The following MINDY4 variants were observed in gnomAD, a reference collection of about 807,000 sequenced individuals.
The protein encoded by MINDY4 is probable ubiquitin carboxyl-terminal hydrolase MINDY-4.
Under a neutral mutation model 87.0 loss-of-function variants are expected in MINDY4, and 68 were observed. That is an observed-to-expected ratio of 0.78 (90% confidence interval 0.64 to 0.96). The LOEUF is 0.96. Ranked by LOEUF, MINDY4 falls within the 40% of genes least tolerant of loss-of-function variation. The probability of loss-of-function intolerance (pLI) is 0.00; values close to 1 mark genes in which losing one functional copy is unlikely to be tolerated. For synonymous variants in MINDY4, 379 were observed against 363.2 expected (o/e 1.04, Z -0.50); for missense variants, 919 against 928.2 (o/e 0.99, Z 0.13).
Position 30,872,309 on chromosome 7 carries a change from C to T in MINDY4, c.1809+3C>T. On this transcript the variant is annotated splice_donor_region_variant and intron_variant, in intron 14 of 17. Transcript: ENST00000265299. ...GAGCACATGGCTACTGTACACAGGT[C>T]AGGGGGCGCTGTGGGGCCCAGGTGG... 1 of 1,613,938 alleles carries T rather than the reference C, an allele frequency of 6.2e-7. No homozygotes were observed. The highest frequency in any genetic ancestry group is 8.5e-7 in the Non-Finnish European group (1 of 1,179,898).
chr7:30,855,276 A>G (rs1014288682), intron 12 of MINDY4, among the ~76,000 whole-genome samples: 5 of 152,236 alleles, frequency 3.3e-5, no homozygotes, highest in African/African-American at 1.2e-4. Context: ...CTCAAAGAAG[A>G]ACCTTAAACA....
At chr7:30,806,049 A>G (rs1408443127) in intron 5 of MINDY4, among the ~76,000 whole-genome samples, 1 of 152,180 alleles carries the variant, frequency 6.6e-6, no homozygotes, top group African/African-American at 2.4e-5. Context: ...CCAGGGCATT[A>G]CAAGTTCCTG....
At position 30,816,583 on chromosome 7, in the gene MINDY4, C is replaced by T. The variant is rs10267339; in HGVS notation, c.1074-12096C>T. 9.6e-3 allele frequency among the ~76,000 whole-genome samples: 1,465 copies of T among 152,190 alleles called. 26 individuals carry two copies. The highest frequency in any genetic ancestry group is 0.033 in the African/African-American group (1,385 of 41,514). On this transcript the variant is annotated intron_variant, in intron 5 of 17. Coordinates refer to ENST00000265299, the MANE Select transcript of MINDY4 (RefSeq NM_032222.3). ...GCCCGATGGCTTTTCCAGGAGGATG[C>T]GGGGCCATCCGTTTCTCCCTCCCTC...
At chr7:30,884,293 C>T (rs1420935531) in intron 17 of MINDY4, among the ~76,000 whole-genome samples, 2 of 152,170 alleles carry the variant, frequency 1.3e-5, no homozygotes, top group Non-Finnish European at 2.9e-5. Flanking sequence ...TTTGTCCGTC[C>T]GTCCGTCCAT....
intron 13 of MINDY4, among the ~76,000 whole-genome samples, chr7:30,863,269 A>G (rs1789823946): frequency 6.6e-6 from 1 of 152,234 alleles, no homozygotes; most frequent in African/African-American, 2.4e-5. Flanking sequence ...ACTGCAGTTC[A>G]GCTGGAGAGA....
At chr7:30,859,013 G>A (rs1319729790) in intron 12 of MINDY4, 1 of 704,584 alleles carries the variant, frequency 1.4e-6, no homozygotes, top group South Asian at 1.5e-5. Context: ...GGACTCTGAG[G>A]TCACTGATGC....
intron 17 of MINDY4, among the ~76,000 whole-genome samples, chr7:30,886,719 G>A (rs1790642334): frequency 6.6e-6 from 1 of 152,228 alleles, no homozygotes; most frequent in Non-Finnish European, 1.5e-5. Flanking sequence ...TCAGAGAAGA[G>A]CATCCTAATT....
At chr7:30,808,549 AAAGT>A (rs1241327951) in intron 5 of MINDY4, among the ~76,000 whole-genome samples, 1 of 152,126 alleles carries the variant, frequency 6.6e-6, no homozygotes, top group Non-Finnish European at 1.5e-5. Flanking sequence ...GGTCAGGCAC[AAAGT>A]AAGCCCACCC....
At chr7:30,799,207 C>G (rs1222485065) in intron 5 of MINDY4, among the ~76,000 whole-genome samples, 1 of 152,120 alleles carries the variant, frequency 6.6e-6, no homozygotes, top group Admixed American at 6.5e-5. Flanking sequence ...CAATTCTACC[C>G]TCTACACATG....
At chr7:30,837,241 G>A (rs1487147294) in intron 7 of MINDY4, among the ~76,000 whole-genome samples, 1 of 152,152 alleles carries the variant, frequency 6.6e-6, no homozygotes, top group Non-Finnish European at 1.5e-5. Flanking sequence ...CCAGGAGCAG[G>A]TTCCTGGCCA....
chr7:30,818,268 T>G (rs887223345), intron 5 of MINDY4, among the ~76,000 whole-genome samples: 2 of 152,230 alleles, frequency 1.3e-5, no homozygotes, highest in Non-Finnish European at 2.9e-5. Flanking sequence ...GCATTTCTAT[T>G]TGGTCATAAT....
In MINDY4 at chr7:30,886,768, G is replaced by C. The variant is rs145973509; in HGVS notation, c.2225+3775G>C. On this transcript the variant is annotated intron_variant, in intron 17 of 17. Coordinates refer to ENST00000265299, the MANE Select transcript of MINDY4 (RefSeq NM_032222.3). ...ACCCCATGTGTCTCTGCGCTTTGCT[G>C]TGACGCAAACCTCGGCCTGAGAGAG... Among the ~76,000 whole-genome samples the C allele has an allele frequency of 7.4e-4, 112 of 152,348 alleles. 1 individual carries two copies. In the East Asian group the frequency reaches 0.021, roughly 29 times the overall value.
chr7:30,847,659 T>C (rs192819261), intron 9 of MINDY4, among the ~76,000 whole-genome samples: 1 of 152,222 alleles, frequency 6.6e-6, no homozygotes, highest in Non-Finnish European at 1.5e-5. Flanking sequence ...TGAAATAACA[T>C]GGAAAGAGTT....
At position 30,871,867 on chromosome 7, in the gene MINDY4, G is replaced by A. The variant is rs560193818; in HGVS notation, c.1746-376G>A. On this transcript the variant is annotated intron_variant, in intron 13 of 17. Transcript: ENST00000265299. Reference sequence around the variant, plus strand: ...GACTGAGGCTCAGAGGTGGAAGAGGGTTCCTCAGTCTACACCATTGGTAGT... The same window carrying A: ...GACTGAGGCTCAGAGGTGGAAGAGGATTCCTCAGTCTACACCATTGGTAGT... 3.9e-5 allele frequency among the ~76,000 whole-genome samples: 6 copies of A among 152,278 alleles called. No homozygotes were observed. In the East Asian group the frequency reaches 1.2e-3, roughly 29 times the overall value.
intron 4 of MINDY4, among the ~76,000 whole-genome samples, chr7:30,787,648 G>A (rs942830286): frequency 1.3e-5 from 2 of 152,206 alleles, no homozygotes; most frequent in East Asian, 1.9e-4. Flanking sequence ...ATGGAGGTTG[G>A]TATGGGAGCC....
rs1790811783 is a variant in MINDY4 at position 30,892,232 on chromosome 7, AGT to A, written c.*228_*229del. 3 of 543,688 alleles carry A rather than the reference AGT, an allele frequency of 5.5e-6. No individual in the cohort carries two copies. The highest frequency in any genetic ancestry group is 9.8e-6 in the Non-Finnish European group (3 of 305,534). The allele number at this position is 543,688 out of a possible 1,614,324, so 33.7% of individuals were successfully genotyped here. ...CCTCCCAGCTGAGCTGTGACTGCTG[AGT>A]ACTGGAAGGAGGTTGCCAGGGTCTC... On this transcript the variant is annotated 3_prime_UTR_variant, in exon 18 of 18. Coordinates refer to ENST00000265299, the MANE Select transcript of MINDY4 (RefSeq NM_032222.3).
intron 15 of MINDY4, among the ~76,000 whole-genome samples, chr7:30,878,940 G>A (rs1210286203): frequency 6.6e-6 from 1 of 152,206 alleles, no homozygotes; most frequent in Non-Finnish European, 1.5e-5. Context: ...TGACACCTGT[G>A]ACAGCCTAGC....
chr7:30,788,738 C>T (rs1043520183), intron 4 of MINDY4, among the ~76,000 whole-genome samples: 2 of 152,134 alleles, frequency 1.3e-5, no homozygotes, highest in Admixed American at 1.3e-4. Context: ...ATGAAAAAAC[C>T]AGCAAGTTCA....
At chr7:30,801,151 G>T (rs894002654) in intron 5 of MINDY4, among the ~76,000 whole-genome samples, 2 of 152,170 alleles carry the variant, frequency 1.3e-5, no homozygotes, top group Non-Finnish European at 2.9e-5. Flanking sequence ...CCGGGACTTG[G>T]AGGAGGCTTA....
Sources: gnomAD v4.1 joint callset for allele counts (sites outside exome capture counted in the v4.1 genomes callset) on GRCh38, gnomAD v4.1.1 for gene constraint, MANE v1.5 for transcripts, NCBI Gene and HGNC (gene_info 2026-07-23, HGNC 2026-07-21) for gene names.